The following IQGAP2 variants were observed in gnomAD, a reference collection of about 807,000 sequenced individuals.
The protein encoded by IQGAP2 is ras GTPase-activating-like protein IQGAP2.
Under a neutral mutation model 201.3 loss-of-function variants are expected in IQGAP2, and 173 were observed. The ratio of observed to expected loss-of-function variants is 0.86; its 90% CI spans 0.76 to 0.98. The LOEUF (loss-of-function observed/expected upper bound fraction) is 0.98, where lower values mean the gene tolerates loss of function less well. IQGAP2 is among the 50% of genes least tolerant of loss of function. The pLI is 0.00. For missense variants in IQGAP2, 1,687 were observed against 1,864.8 expected (o/e 0.90, Z 1.76); for synonymous variants, 675 against 673.9 (o/e 1.00, Z -0.03).
chr5:76,614,267 A>G (rs1376597093), intron 13 of IQGAP2, among the ~76,000 whole-genome samples: 1 of 152,198 alleles, frequency 6.6e-6, no homozygotes, highest in Non-Finnish European at 1.5e-5. Context: ...GCTCTGTGTC[A>G]GGCATCCTTT....
chr5:76,510,246 C>T (rs574328625), intron 2 of IQGAP2, among the ~76,000 whole-genome samples: 187 of 152,262 alleles, frequency 1.2e-3, no homozygotes, highest in Admixed American at 1.8e-3. Flanking sequence ...ATGATCCACC[C>T]GCCTCAGCCT....
At chr5:76,412,238 AAAG>A (rs1161227411) in intron 1 of IQGAP2, among the ~76,000 whole-genome samples, 7 of 152,342 alleles carry the variant, frequency 4.6e-5, no homozygotes, top group Middle Eastern at 6.8e-3. Context: ...GATCTCCCAA[AAAG>A]AAGATTTCTA....
intron 30 of IQGAP2, among the ~76,000 whole-genome samples, chr5:76,685,842 C>T (rs985981357): frequency 6.6e-6 from 1 of 152,174 alleles, no homozygotes; most frequent in African/African-American, 2.4e-5. Flanking sequence ...GCATTTAGTA[C>T]ATTCGCAGTG....
chr5:76,544,318 A>C (rs1272452578), intron 2 of IQGAP2, among the ~76,000 whole-genome samples: 1 of 152,172 alleles, frequency 6.6e-6, no homozygotes, highest in Non-Finnish European at 1.5e-5. Flanking sequence ...ACGATGGTTC[A>C]CAAGAGAGTC....
chr5:76,503,063 G>C (rs921753443), intron 2 of IQGAP2, among the ~76,000 whole-genome samples: 1 of 151,772 alleles, frequency 6.6e-6, no homozygotes, highest in Non-Finnish European at 1.5e-5. Flanking sequence ...ATTTTCTTAT[G>C]ATAGGTTACT....
At chr5:76,467,484 C>T (rs868744726) in intron 2 of IQGAP2, among the ~76,000 whole-genome samples, 6 of 152,084 alleles carry the variant, frequency 3.9e-5, no homozygotes, top group Admixed American at 2.0e-4. Context: ...CAAAGATGGA[C>T]AATAACAAAT....
intron 2 of IQGAP2, among the ~76,000 whole-genome samples, chr5:76,509,921 T>C (rs1235360755): frequency 1.3e-5 from 2 of 152,070 alleles, no homozygotes; most frequent in African/African-American, 4.8e-5. Context: ...CTTAAAATTA[T>C]GGGAAACAAT....
At chr5:76,614,217 C>A (rs6453234) in intron 13 of IQGAP2, among the ~76,000 whole-genome samples, 65,495 of 151,974 alleles carry the variant, frequency 0.43, 14,961 homozygotes, top group Non-Finnish European at 0.52. Flanking sequence ...ACTCCACAGG[C>A]GTCCTTTGAA....
chr5:76,631,832 C>A, intron 14 of IQGAP2, 27 bp from the exon 15 acceptor site: 1 of 1,522,436 alleles, frequency 6.6e-7, no homozygotes, highest in Non-Finnish European at 8.9e-7. Context: ...TAACCATTAA[C>A]AAGAAACTTT....
chr5:76,476,119 T>G (rs374547009), intron 2 of IQGAP2, among the ~76,000 whole-genome samples: 1 of 151,910 alleles, frequency 6.6e-6, no homozygotes, highest in East Asian at 1.9e-4. Context: ...ACAGGTGGAG[T>G]ATTTCCAGGT....
chr5:76,554,258 T>A (rs1159565859), intron 2 of IQGAP2, among the ~76,000 whole-genome samples: 1 of 152,086 alleles, frequency 6.6e-6, no homozygotes, highest in Non-Finnish European at 1.5e-5. Context: ...AACATAGGTA[T>A]AAATATATAA....
intron 13 of IQGAP2, 94 bp downstream of exon 13, chr5:76,611,277 A>C: frequency 5.5e-4 from 469 of 856,212 alleles, no homozygotes; most frequent in Non-Finnish European, 7.2e-4. Context: ...GTTAAATCTC[A>C]TGAGCTTCTT....
At chr5:76,453,886 A>C (rs765198871) in intron 1 of IQGAP2, among the ~76,000 whole-genome samples, 2 of 152,192 alleles carry the variant, frequency 1.3e-5, no homozygotes, top group Admixed American at 6.5e-5. Context: ...AATATAGTAG[A>C]AGCTTATCCA....
chr5:76,511,239 G>A (rs6863053), intron 2 of IQGAP2, among the ~76,000 whole-genome samples: 31,902 of 152,072 alleles, frequency 0.21, 3,700 homozygotes, highest in African/African-American at 0.31. Flanking sequence ...TGGTTCAACA[G>A]CTGTGTGATG....
chr5:76,580,912 C>G (rs1745805571), intron 5 of IQGAP2, among the ~76,000 whole-genome samples: 1 of 152,196 alleles, frequency 6.6e-6, no homozygotes, highest in African/African-American at 2.4e-5. Context: ...TTACTGGATT[C>G]TGCTTTTCTT....
rs558245030 is a variant in IQGAP2, at chr5:76,507,149, A to G, written c.146+45480A>G. On this transcript the variant is annotated intron_variant, in intron 2 of 35. Transcript: ENST00000274364. Reference sequence around the variant, plus strand: ...TCTACAGCAATCAAGACAGTGTGGTATTGGTGAAAGAACAGACAAATAGAT... The same window carrying G: ...TCTACAGCAATCAAGACAGTGTGGTGTTGGTGAAAGAACAGACAAATAGAT... Among the ~76,000 whole-genome samples, 3 of 152,380 alleles carry G rather than the reference A, an allele frequency of 2.0e-5. No homozygotes were observed. The South Asian group carries it at 6.2e-4, about 32-fold the overall frequency.
chr5:76,470,699 C>T (rs1227469446), intron 2 of IQGAP2, among the ~76,000 whole-genome samples: 3 of 152,172 alleles, frequency 2.0e-5, no homozygotes, highest in Non-Finnish European at 4.4e-5. Flanking sequence ...TTGCTTGCTA[C>T]CATGCCTGGC....
intron 1 of IQGAP2, among the ~76,000 whole-genome samples, chr5:76,431,252 C>G (rs1362064257): frequency 1.3e-5 from 2 of 151,642 alleles, no homozygotes; most frequent in Non-Finnish European, 2.9e-5. Flanking sequence ...CTATATTGCT[C>G]TTATGATATG....
At chr5:76,476,461 G>A (rs757444629) in intron 2 of IQGAP2, among the ~76,000 whole-genome samples, 4 of 152,136 alleles carry the variant, frequency 2.6e-5, no homozygotes, top group Non-Finnish European at 4.4e-5. Flanking sequence ...TATGAGGGGT[G>A]GGATTTTGAA....
Sources: allele counts gnomAD v4.1 joint callset (sites outside exome capture counted in the v4.1 genomes callset), GRCh38; gene constraint gnomAD v4.1.1; transcripts MANE v1.5; gene names NCBI Gene and HGNC (gene_info 2026-07-23, HGNC 2026-07-21).